The following COLEC10 variants were observed in gnomAD, a reference collection of about 807,000 sequenced individuals.
The protein encoded by COLEC10 is collectin-10.
A neutral mutation model predicts 28.4 loss-of-function variants in COLEC10; 22 were observed. The observed-to-expected ratio is 0.78, with a 90% confidence interval of 0.55 to 1.11. The LOEUF is 1.11. COLEC10 is among the 50% of genes least tolerant of loss of function. The pLI, the probability that COLEC10 is intolerant of heterozygous loss-of-function variation, is 0.00. For synonymous variants in COLEC10, 125 were observed against 116.1 expected (o/e 1.08, Z -0.49); for missense variants, 361 against 344.1 (o/e 1.05, Z -0.39).
intron 2 of COLEC10, among the ~76,000 whole-genome samples, chr8:119,053,930 A>G (rs933548271): frequency 2.0e-5 from 3 of 152,094 alleles, no homozygotes; most frequent in African/African-American, 7.2e-5. Flanking sequence ...AATTTAATTT[A>G]TAAATTAGGC....
intron 2 of COLEC10, among the ~76,000 whole-genome samples, chr8:119,061,650 C>G (rs986184824): frequency 2.6e-5 from 4 of 152,068 alleles, no homozygotes; most frequent in African/African-American, 9.6e-5. Context: ...GGTACAATTA[C>G]TATATTTTTA....
At chr8:119,103,721 A>G in intron 4 of COLEC10, 79 bp from the exon 5 acceptor site, 2 of 832,968 alleles carry the variant, frequency 2.4e-6, no homozygotes, top group South Asian at 2.9e-5. Context: ...GATAGTGAAT[A>G]TTGGAAAGAG....
chr8:118,990,323 G>T, the COLEC10 span, among the ~76,000 whole-genome samples: 125 of 152,054 alleles, frequency 8.2e-4, no homozygotes, highest in Non-Finnish European at 1.6e-3. Flanking sequence ...AAAGGAAATC[G>T]AAATGGAAAA....
intron 2 of COLEC10, among the ~76,000 whole-genome samples, chr8:119,054,581 A>C (rs1814732278): frequency 6.6e-6 from 1 of 152,102 alleles, no homozygotes; most frequent in African/African-American, 2.4e-5. Flanking sequence ...CAATACTAAA[A>C]CATAAACCTA....
intron 2 of COLEC10, among the ~76,000 whole-genome samples, chr8:119,022,954 C>T (rs1814124694): frequency 6.6e-6 from 1 of 152,096 alleles, no homozygotes; most frequent in African/African-American, 2.4e-5. Context: ...TGATCTTCCT[C>T]TTACTCAACA....
At chr8:118,989,534 TACACACACACACACAC>T in the COLEC10 span, among the ~76,000 whole-genome samples, 17 of 128,722 alleles carry the variant, frequency 1.3e-4, no homozygotes, top group South Asian at 7.6e-4. Context: ...ACAGACAAAA[TACACACACACACACAC>T]ACACACACAC....
chr8:119,067,058 A>G (rs565155220), upstream of COLEC10, among the ~76,000 whole-genome samples: 1 of 152,302 alleles, frequency 6.6e-6, no homozygotes, highest in Non-Finnish European at 1.5e-5. Flanking sequence ...ATAATTTTCA[A>G]TAAACTGTTG....
chr8:118,993,915 G>T (rs1413758971), upstream of COLEC10, among the ~76,000 whole-genome samples: 3 of 152,060 alleles, frequency 2.0e-5, no homozygotes, highest in African/African-American at 2.4e-5. Flanking sequence ...AATTCCTCAG[G>T]TTCACTCCTG....
chr8:118,973,896 CA>C, the COLEC10 span, among the ~76,000 whole-genome samples: 1 of 151,928 alleles, frequency 6.6e-6, no homozygotes, highest in African/African-American at 2.4e-5. Flanking sequence ...GCACCATCCC[CA>C]TCTCAACTTA....
rs183458078 is a variant in COLEC10 at position 119,009,977 on chromosome 8, A to T, written n.235+424A>T. Among the ~76,000 whole-genome samples, 9 of 150,950 alleles carry T rather than the reference A, an allele frequency of 6.0e-5. No individual in the cohort carries two copies. The East Asian group carries it at 1.5e-3, about 26-fold the overall frequency. On this transcript the variant is annotated intron_variant and non_coding_transcript_variant, in intron 2 of 6. Coordinates refer to the COLEC10 transcript ENST00000521788. ...CACAGTCTCTCCCGCTATCAAAAAGAGTGGTGCATTTGCTACAATTTATGA... is the reference window on the plus strand; with the variant it reads ...CACAGTCTCTCCCGCTATCAAAAAGTGTGGTGCATTTGCTACAATTTATGA...
intron 3 of COLEC10, 113 bp from the exon 4 acceptor site, chr8:119,102,235 C>T (rs1470381967): frequency 3.0e-6 from 1 of 329,306 alleles, no homozygotes; most frequent in South Asian, 3.0e-5. Flanking sequence ...TCCCTCCCTC[C>T]CTCCCTCCTT....
intron 2 of COLEC10, among the ~76,000 whole-genome samples, chr8:119,042,043 G>A (rs564004741): frequency 2.5e-4 from 38 of 151,420 alleles, no homozygotes; most frequent in Admixed American, 4.6e-4. Flanking sequence ...TGTCTCCCAC[G>A]CTGGAGTGCA....
intron 1 of COLEC10, chr8:119,068,648 GAAA>G (rs2130220730): frequency 6.6e-6 from 1 of 152,162 alleles, no homozygotes; most frequent in Non-Finnish European, 1.5e-5. Context: ...TTACCTAATA[GAAA>G]ACTTCTCCCT....
At chr8:119,083,939 G>C (rs760701615) in intron 1 of COLEC10, among the ~76,000 whole-genome samples, 1 of 152,092 alleles carries the variant, frequency 6.6e-6, no homozygotes, top group Non-Finnish European at 1.5e-5. Flanking sequence ...TCAGAGCAAC[G>C]TTGCCAGGGT....
At chr8:119,046,883 C>T (rs978164799) in intron 2 of COLEC10, among the ~76,000 whole-genome samples, 1 of 152,136 alleles carries the variant, frequency 6.6e-6, no homozygotes, top group Non-Finnish European at 1.5e-5. Flanking sequence ...AACTATCTTC[C>T]TACGGTCTCA....
chr8:118,973,408 C>T, the COLEC10 span, among the ~76,000 whole-genome samples: 3 of 151,906 alleles, frequency 2.0e-5, no homozygotes, highest in Non-Finnish European at 4.4e-5. Context: ...CACTTCTAAG[C>T]TCACAAGATT....
At chr8:118,982,676 CT>C in the COLEC10 span, 2 of 172,676 alleles carry the variant, frequency 1.2e-5, no homozygotes, top group Non-Finnish European at 1.3e-5. Flanking sequence ...AAGCTGAATC[CT>C]TTTCCTGGTG....
chr8:118,961,201 G>A, the COLEC10 span, among the ~76,000 whole-genome samples: 2 of 152,118 alleles, frequency 1.3e-5, no homozygotes, highest in African/African-American at 4.8e-5. Flanking sequence ...CAGGACTAGT[G>A]ACCAGTCCAA....
intron 3 of COLEC10, among the ~76,000 whole-genome samples, chr8:119,097,801 C>T (rs1815750505): frequency 6.6e-6 from 1 of 151,954 alleles, no homozygotes; most frequent in Non-Finnish European, 1.5e-5. Context: ...TATTGCTCTG[C>T]AGAGGTAGCA....
Sources: allele counts gnomAD v4.1 joint callset (sites outside exome capture counted in the v4.1 genomes callset), GRCh38; gene constraint gnomAD v4.1.1; transcripts MANE v1.5; gene names NCBI Gene and HGNC (gene_info 2026-07-23, HGNC 2026-07-21).